SP8: variants seen among roughly 807,000 people sequenced by gnomAD.
SP8 encodes the protein transcription factor Sp8.
SP8 carries 7 observed loss-of-function variants against 15.3 expected under a neutral mutation model. The observed-to-expected ratio is 0.46, with a 90% confidence interval of 0.26 to 0.86. The LOEUF is 0.86. Among genes scored for constraint, SP8 ranks in the 40% least tolerant of loss-of-function variants. SP8 has a pLI of 0.16. For synonymous variants in SP8, 415 were observed against 356.3 expected, an observed-to-expected ratio of 1.16 and a Z score of -1.86; for missense variants, 731 against 736.4, an observed-to-expected ratio of 0.99 and a Z score of 0.09.
Position 20,784,983 on chromosome 7 carries a change from G to T in SP8, c.834C>A (p.His278Gln). 6.4e-7 allele frequency: 1 copy of T among 1,574,598 alleles called. No homozygotes were observed. ...GYNSDYSGLS[H>Q]SAFSSGASSH... ...AGGAGGCGCCGCTGCTGAAGGCCGA[G>T]TGACTCAGGCCCGAGTAATCCGAGT... is the stretch of plus-strand genomic sequence containing the variant. The change falls in exon 2 of 2, where the codon CAC (histidine) becomes CAA (glutamine). Residue 278 changes from histidine (H) to glutamine (Q), a missense_variant. This residue lies in a region of SP8 where 586 missense variants were observed against 524.9 expected (regional missense o/e 1.12). Coordinates refer to ENST00000418710, the MANE Select transcript of SP8 (RefSeq NM_182700.6).
Position 20,785,234 on chromosome 7 carries a change from G to A in SP8, c.583C>T (p.Pro195Ser). The change falls in exon 2 of 2, where the codon CCG (proline) becomes TCG (serine). Residue 195 changes from proline (P) to serine (S), a missense_variant. Around this residue, in one of 3 missense-constraint regions of SP8, gnomAD observed 586 missense variants for 524.9 expected, o/e 1.12. Transcript: ENST00000418710. This position sits in a 1 kb window ranked among gnomAD's most constrained non-coding sequence, Gnocchi z 7.2. ...TSVDGLQGIY[P>S]RVGMAHPYES... Reference sequence around the variant, plus strand: ...TACGGGTGCGCCATGCCCACCCGCGGGTAGATGCCCTGCAGCCCGTCCACA... The same window carrying A: ...TACGGGTGCGCCATGCCCACCCGCGAGTAGATGCCCTGCAGCCCGTCCACA... The A allele has an allele frequency of 6.3e-7, 1 of 1,598,488 alleles. No individual in the cohort carries two copies. The highest frequency in any genetic ancestry group is 1.7e-4 in the Middle Eastern group (1 of 5,992).
In SP8 at chr7:20,785,261, A is replaced by C; in HGVS notation, c.556T>G (p.Ser186Ala). 4 of 1,587,942 alleles carry C rather than the reference A, an allele frequency of 2.5e-6. No individual in the cohort carries two copies. Among genetic ancestry groups the C allele is most frequent in the Non-Finnish European group, 3.4e-6 (4 of 1,169,664 alleles). The change falls in exon 2 of 2, where the codon TCT becomes GCT. Residue 186 changes from serine to alanine, a missense_variant. Coordinates refer to ENST00000418710, the MANE Select transcript of SP8 (RefSeq NM_182700.6). This position sits in a 1 kb window ranked among gnomAD's most constrained non-coding sequence, Gnocchi z 7.2. The part of the protein sequence containing the change: ...QPVFISKVHT[S>A]VDGLQGIYPR... ...TAGATGCCCTGCAGCCCGTCCACAG[A>C]GGTGTGCACCTTGGAGATGAACACC...
Position 20,785,332 on chromosome 7 carries a change from C to CTGAACGAGTCGGACACCAGGG in SP8, c.484_485insCCCTGGTGTCCGACTCGTTCA (p.Gly162delinsAlaLeuValSerAspSerPheSer). The stretch of plus-strand genomic sequence containing the variant: ...CGAGTGCGCGGAGGAGCCGCCGCCG[C>CTGAACGAGTCGGACACCAGGG]CGCCCCCGCCGCCGCCGCCGCTGCC... On this transcript the variant is annotated protein_altering_variant, in exon 2 of 2. Coordinates refer to ENST00000418710, the MANE Select transcript of SP8 (RefSeq NM_182700.6). The surrounding 1 kb of genome is among the most constrained non-coding windows in gnomAD (Gnocchi z 7.2). The CTGAACGAGTCGGACACCAGGG allele has an allele frequency of 2.7e-6, 4 of 1,472,924 alleles. No individual in the cohort carries two copies. Among genetic ancestry groups the CTGAACGAGTCGGACACCAGGG allele is most frequent in the Non-Finnish European group, 2.7e-6 (3 of 1,110,146 alleles). 91.2% of individuals were successfully genotyped at this position (1,472,924 alleles called of 1,614,324 possible).
chr7:20,785,334 GC>G lies in SP8; in HGVS notation c.482del (p.Gly161AlafsTer116). On this transcript the variant is annotated frameshift_variant, in exon 2 of 2. Coordinates refer to ENST00000418710, the MANE Select transcript of SP8 (RefSeq NM_182700.6). LOFTEE classifies it low-confidence loss of function (END_TRUNC). This position sits in a 1 kb window ranked among gnomAD's most constrained non-coding sequence, Gnocchi z 7.2. The part of the protein sequence containing the change: ...VSGGSGGGGG[G>X]GGGGSSAHSQ... ...AGTGCGCGGAGGAGCCGCCGCCGCC[GC>G]CCCCGCCGCCGCCGCCGCTGCCCCC... 4.5e-6 allele frequency: 6 copies of G among 1,324,648 alleles called. No homozygotes were observed. The highest frequency in any genetic ancestry group is 1.4e-5 in the South Asian group (1 of 73,814). The allele number at this position is 1,324,648 out of a possible 1,614,324, so 82.1% of individuals were successfully genotyped here.
Position 20,785,596 on chromosome 7 carries a change from A to G in SP8, c.221T>C (p.Val74Ala), listed in dbSNP as rs139917829. ...GCCGCCGTTCCTGGAGGCCCCGGAC[A>G]CGCCGAAGCTTGAGAGACTGGAACC... The part of the protein sequence containing the change: ...VVGSSLSSFG[V>A]SGASRNGGSS... Residue 74 changes from valine (V) to alanine (A), a missense_variant, in exon 2 of 2, where the codon GTG (valine) becomes GCG (alanine). Val to Ala is a moderately conservative substitution (Grantham distance 64). This residue lies in a region of SP8 where 586 missense variants were observed against 524.9 expected (regional missense o/e 1.12). Transcript: ENST00000418710. The surrounding 1 kb of genome is among the most constrained non-coding windows in gnomAD (Gnocchi z 7.2). 642 of 1,523,334 alleles carry G rather than the reference A, an allele frequency of 4.2e-4. No homozygotes were observed. The highest frequency in any genetic ancestry group is 5.3e-4 in the Non-Finnish European group (602 of 1,125,508). The allele number at this position is 1,523,334 out of a possible 1,614,324, so 94.4% of individuals were successfully genotyped here.
rs998017321 is a variant in SP8 at position 20,782,559 on chromosome 7, T to A, written c.*1731A>T. On this transcript the variant is annotated 3_prime_UTR_variant, in exon 2 of 2. Transcript: ENST00000418710. ...AGTTTCACTTGGACAATTTATTTAA[T>A]ACATGGGTTTTGGCAGACCACTTAT... is the stretch of plus-strand genomic sequence containing the variant. The A allele has an allele frequency of 1.8e-5, 1 of 55,686 alleles. No individual in the cohort carries two copies. Among genetic ancestry groups the A allele is most frequent in the Non-Finnish European group, 3.4e-5 (1 of 29,644 alleles). 3.4% of individuals were successfully genotyped at this position (55,686 alleles called of 1,614,324 possible). A position where few individuals can be genotyped will look rare whatever the true frequency, so the allele number is the denominator to read the frequency against.
rs1481378177 is a variant in SP8, at chr7:20,786,886, T to A, written c.-88A>T. On this transcript the variant is annotated 5_prime_UTR_variant, in exon 1 of 2. Transcript: ENST00000418710. This position sits in a 1 kb window ranked among gnomAD's most constrained non-coding sequence, Gnocchi z 4.4. ...TTTTTTTTAGAGGTGTGCAATACAA[T>A]GATCAGTTCCGCCCATTCCACCACA... The A allele has an allele frequency of 9.2e-7, 1 of 1,087,766 alleles. No homozygotes were observed. The highest frequency in any genetic ancestry group is 1.4e-6 in the Non-Finnish European group (1 of 699,898). The allele number at this position is 1,087,766 out of a possible 1,614,324, so 67.4% of individuals were successfully genotyped here. A position where few individuals can be genotyped will look rare whatever the true frequency, so the allele number is the denominator to read the frequency against.
At position 20,782,890 on chromosome 7, in the gene SP8, T is replaced by C. The variant is rs1583483031; in HGVS notation, c.*1400A>G. 1 of 152,678 alleles carries C rather than the reference T, an allele frequency of 6.5e-6. No individual in the cohort carries two copies. Among genetic ancestry groups the C allele is most frequent in the East Asian group, 1.9e-4 (1 of 5,192 alleles). The allele number at this position is 152,678 out of a possible 1,614,324, so 9.5% of individuals were successfully genotyped here. A position where few individuals can be genotyped will look rare whatever the true frequency, so the allele number is the denominator to read the frequency against. ...CTTCAATATATTTTCAAATATTTACTGGAAGTAATGTACAAGAAAAATACT... is the reference window on the plus strand; with the variant it reads ...CTTCAATATATTTTCAAATATTTACCGGAAGTAATGTACAAGAAAAATACT... On this transcript the variant is annotated 3_prime_UTR_variant, in exon 2 of 2. Coordinates refer to ENST00000418710, the MANE Select transcript of SP8 (RefSeq NM_182700.6).
Position 20,785,535 on chromosome 7 carries a change from GGCTGCTGCCGCGGCCGCCGCA to G in SP8, c.261_281del (p.Ala93_Ala99del), listed in dbSNP as rs780120924. 26 of 1,194,582 alleles carry G rather than the reference GGCTGCTGCCGCGGCCGCCGCA, an allele frequency of 2.2e-5. No individual in the cohort carries two copies. Among genetic ancestry groups the G allele is most frequent in the African/African-American group, 3.4e-5 (2 of 58,650 alleles). 74.0% of individuals were successfully genotyped at this position (1,194,582 alleles called of 1,614,324 possible). A position where few individuals can be genotyped will look rare whatever the true frequency, so the allele number is the denominator to read the frequency against. On this transcript the variant is annotated inframe_deletion, in exon 2 of 2. Transcript: ENST00000418710. The surrounding 1 kb of genome is among the most constrained non-coding windows in gnomAD (Gnocchi z 7.2). ...CGGACACCAGGGCCGCGGCAGCCGCGGCTGCTGCCGCGGCCGCCGCAGCCGCCGAGGACGAGCCGCCGTTCC... is the reference window on the plus strand; with the variant it reads ...CGGACACCAGGGCCGCGGCAGCCGCGGCCGCCGAGGACGAGCCGCCGTTCC...
rs1316678910 is a variant in SP8, at chr7:20,784,899, G to T, written c.918C>A (p.Pro306=). ...ACGGGGCCGAGTCCGGGTAGGAGCC[G>T]GGTAGCACTGGCTTGAAGCCGTCCA... ...HLMDGFKPVL[P]GSYPDSAPSP... Residue 306 remains proline (P), a synonymous_variant, in exon 2 of 2, where the codon CCC becomes CCA. Coordinates refer to ENST00000418710, the MANE Select transcript of SP8 (RefSeq NM_182700.6). The T allele has an allele frequency of 2.6e-6, 4 of 1,535,900 alleles. No individual in the cohort carries two copies. In the African/African-American group the frequency reaches 5.6e-5, roughly 21 times the overall value.
chr7:20,786,672 A>G lies in SP8; in HGVS notation c.21+106T>C, dbSNP rs532363650. 2.6e-5 allele frequency: 24 copies of G among 937,350 alleles called. No homozygotes were observed. Among genetic ancestry groups the G allele is most frequent in the African/African-American group, 2.0e-4 (12 of 61,308 alleles). The allele number at this position is 937,350 out of a possible 1,614,324, so 58.1% of individuals were successfully genotyped here. A position where few individuals can be genotyped will look rare whatever the true frequency, so the allele number is the denominator to read the frequency against. The stretch of plus-strand genomic sequence containing the variant: ...TAAAGAAAAAAAAAAAAAGCTCTCA[A>G]TAGAGAGACTGATAGCCCGTGGCCT... On this transcript the variant is annotated intron_variant, in intron 1 of 1. Coordinates refer to ENST00000418710, the MANE Select transcript of SP8 (RefSeq NM_182700.6). The surrounding 1 kb of genome is among the most constrained non-coding windows in gnomAD (Gnocchi z 4.4).
Position 20,783,865 on chromosome 7 carries a change from G to A in SP8, c.*425C>T, listed in dbSNP as rs181530258. 9.9e-4 allele frequency: 16 copies of A among 16,098 alleles called. No homozygotes were observed. The highest frequency in any genetic ancestry group is 1.6e-3 in the African/African-American group (1 of 644). The allele number at this position is 16,098 out of a possible 1,614,324, so 1.0% of individuals were successfully genotyped here. A position where few individuals can be genotyped will look rare whatever the true frequency, so the allele number is the denominator to read the frequency against. ...TCCGCTCAGGCTTGTCAGCCGAGCC[G>A]CTCCTGCCCGCGCGAGGCCCGCTGT... is the stretch of plus-strand genomic sequence containing the variant. On this transcript the variant is annotated 3_prime_UTR_variant, in exon 2 of 2. Transcript: ENST00000418710.
chr7:20,786,673 T>C lies in SP8; in HGVS notation c.21+105A>G. 3.3e-6 allele frequency: 3 copies of C among 905,096 alleles called. No homozygotes were observed. The highest frequency in any genetic ancestry group is 1.8e-5 in the Admixed American group (1 of 55,808). 56.1% of individuals were successfully genotyped at this position (905,096 alleles called of 1,614,324 possible). The stretch of plus-strand genomic sequence containing the variant: ...AAAGAAAAAAAAAAAAAGCTCTCAA[T>C]AGAGAGACTGATAGCCCGTGGCCTG... On this transcript the variant is annotated intron_variant, in intron 1 of 1. Coordinates refer to ENST00000418710, the MANE Select transcript of SP8 (RefSeq NM_182700.6). This position sits in a 1 kb window ranked among gnomAD's most constrained non-coding sequence, Gnocchi z 4.4.
chr7:20,785,899 C>G lies in SP8; in HGVS notation c.22-104G>C, dbSNP rs903145738. The G allele has an allele frequency of 6.8e-7, 1 of 1,477,608 alleles. No individual in the cohort carries two copies. The highest frequency in any genetic ancestry group is 1.4e-5 in the African/African-American group (1 of 71,782). The allele number at this position is 1,477,608 out of a possible 1,614,324, so 91.5% of individuals were successfully genotyped here. A position where few individuals can be genotyped will look rare whatever the true frequency, so the allele number is the denominator to read the frequency against. On this transcript the variant is annotated intron_variant, in intron 1 of 1. Coordinates refer to ENST00000418710, the MANE Select transcript of SP8 (RefSeq NM_182700.6). The surrounding 1 kb of genome is among the most constrained non-coding windows in gnomAD (Gnocchi z 7.2). ...ATCAGTCCTTCGGTAGCCTCCAAAG[C>G]GCCCCACTGCACCCCATCTCTCGCT...
chr7:20,785,530 G>GCCCCC lies in SP8; in HGVS notation c.286_287insGGGGG (p.Ala96GlyfsTer183). The stretch of plus-strand genomic sequence containing the variant: ...CGAGTCGGACACCAGGGCCGCGGCA[G>GCCCCC]CCGCGGCTGCTGCCGCGGCCGCCGC... On this transcript the variant is annotated frameshift_variant, in exon 2 of 2. Coordinates refer to ENST00000418710, the MANE Select transcript of SP8 (RefSeq NM_182700.6). LOFTEE classifies it low-confidence loss of function (END_TRUNC). This position sits in a 1 kb window ranked among gnomAD's most constrained non-coding sequence, Gnocchi z 7.2. 7.4e-7 allele frequency: 1 copy of GCCCCC among 1,354,128 alleles called. No homozygotes were observed. The highest frequency in any genetic ancestry group is 3.3e-5 in the East Asian group (1 of 30,138). 83.9% of individuals were successfully genotyped at this position (1,354,128 alleles called of 1,614,324 possible).
At position 20,784,680 on chromosome 7, in the gene SP8, C is replaced by A; in HGVS notation, c.1137G>T (p.Pro379=). 6.2e-7 allele frequency: 1 copy of A among 1,608,684 alleles called. No individual in the cohort carries two copies. Among genetic ancestry groups the A allele is most frequent in the South Asian group, 1.1e-5 (1 of 90,594 alleles). ...RRKGLHSCHI[P]GCGKVYGKTS... ...TCTTGCCGTACACCTTGCCGCAGCCCGGGATGTGGCAGCTGTGCAGGCCCT... is the reference window on the plus strand; with the variant it reads ...TCTTGCCGTACACCTTGCCGCAGCCAGGGATGTGGCAGCTGTGCAGGCCCT... Residue 379 remains proline (P), a synonymous_variant, in exon 2 of 2, where the codon CCG becomes CCT. Transcript: ENST00000418710.
Position 20,785,296 on chromosome 7 carries a change from G to A in SP8, c.521C>T (p.Ser174Phe). The A allele has an allele frequency of 6.5e-7, 1 of 1,548,016 alleles. No individual in the cohort carries two copies. Among genetic ancestry groups the A allele is most frequent in the Non-Finnish European group, 8.7e-7 (1 of 1,151,786 alleles). ...GGSSAHSQDG[S>F]HQPVFISKVH... ...CTTGGAGATGAACACCGGCTGGTGG[G>A]AGCCGTCCTGCGAGTGCGCGGAGGA... is the stretch of plus-strand genomic sequence containing the variant. The change falls in exon 2 of 2, where the codon TCC (serine) becomes TTC (phenylalanine). Residue 174 changes from serine (S) to phenylalanine (F), a missense_variant. By Grantham distance (155) the Ser-to-Phe change is radical (BLOSUM62 -2). This residue lies in a region of SP8 where 586 missense variants were observed against 524.9 expected (regional missense o/e 1.12). Transcript: ENST00000418710. The surrounding 1 kb of genome is among the most constrained non-coding windows in gnomAD (Gnocchi z 7.2).
chr7:20,786,469 C>T lies in SP8; in HGVS notation c.21+309G>A, dbSNP rs1406994153. Among the ~76,000 whole-genome samples the T allele has an allele frequency of 6.6e-6, 1 of 152,098 alleles. No homozygotes were observed. Among genetic ancestry groups the T allele is most frequent in the Non-Finnish European group, 1.5e-5 (1 of 68,020 alleles). ...CTTTGCCCAGAAGGAAAAACTTGCT[C>T]TCTTTACCCCCGAAATCGGTGCCTG... On this transcript the variant is annotated intron_variant, in intron 1 of 1. Transcript: ENST00000418710. The surrounding 1 kb of genome is among the most constrained non-coding windows in gnomAD (Gnocchi z 4.4).
chr7:20,784,620 C>A lies in SP8; in HGVS notation c.1197G>T (p.Thr399=), dbSNP rs777279878. The A allele has an allele frequency of 1.2e-6, 2 of 1,609,852 alleles. No homozygotes were observed. Among genetic ancestry groups the A allele is most frequent in the Non-Finnish European group, 1.7e-6 (2 of 1,179,036 alleles). The change falls in exon 2 of 2, where the codon ACG becomes ACT. Residue 399 remains threonine, a synonymous_variant. Transcript: ENST00000418710. ...SHLKAHLRWH[T]GERPFVCNWL... is the part of the protein sequence containing the mutation. Reference sequence around the variant, plus strand: ...AGTTGCACACGAAGGGCCGCTCGCCCGTGTGCCAGCGCAGGTGCGCCTTGA... The same window carrying A: ...AGTTGCACACGAAGGGCCGCTCGCCAGTGTGCCAGCGCAGGTGCGCCTTGA...
Sources: gnomAD v4.1 joint callset for allele counts (sites outside exome capture counted in the v4.1 genomes callset) on GRCh38, gnomAD v4.1.1 for gene constraint, gnomAD v4.1.1 regional missense constraint, Gnocchi (gnomAD v3.1) non-coding constraint, MANE v1.5 for transcripts, NCBI Gene and HGNC (gene_info 2026-07-23, HGNC 2026-07-21) for gene names.